The following CTBP2 variants were observed in gnomAD, a reference collection of about 807,000 sequenced individuals.
The protein encoded by CTBP2 is C-terminal binding protein 2.
Under a neutral mutation model 80.3 loss-of-function variants are expected in CTBP2, and 30 were observed. That is an observed-to-expected ratio of 0.37 (90% CI 0.28 to 0.51). The LOEUF (loss-of-function observed/expected upper bound fraction) is 0.51. Among genes scored for constraint, CTBP2 ranks in the 20% least tolerant of loss-of-function variants. The pLI is 0.93. For missense variants in CTBP2, 1,212 were observed against 1,375.3 expected (o/e 0.88, Z 1.88); for synonymous variants, 594 against 587.4 (o/e 1.01, Z -0.16).
intron 2 of CTBP2, among the ~76,000 whole-genome samples, chr10:125,095,689 G>A (rs1849437895): frequency 2.0e-5 from 3 of 152,210 alleles, no homozygotes. Flanking sequence ...GTTGGCAGAT[G>A]TTTTGTGATG....
chr10:125,162,313 G>A (rs1380505501), upstream of CTBP2: 2 of 152,292 alleles, frequency 1.3e-5, no homozygotes, highest in East Asian at 3.9e-4. Flanking sequence ...GCCCTGCAGA[G>A]CCGAGGAAAC....
At chr10:125,014,504 A>C (rs541850042) in intron 1 of CTBP2, among the ~76,000 whole-genome samples, 80 of 152,356 alleles carry the variant, frequency 5.3e-4, no homozygotes, top group South Asian at 1.9e-3. Context: ...ATCTATGTCA[A>C]CTTGGCCCTT....
In CTBP2 at chr10:125,026,568, G is replaced by GA. The variant is rs1433490936; in HGVS notation, c.1191_1192insT (p.Arg398SerfsTer68). ...GGACGGCGAGCCGGGTCTCCAGCTC[G>GA]GGGGGATGCTGTCTGCAGAGGAGCC... On this transcript the variant is annotated frameshift_variant, in exon 1 of 9. Coordinates refer to ENST00000309035, the MANE Select transcript of CTBP2 (RefSeq NM_022802.3). LOFTEE classifies it high-confidence loss of function. 7 of 1,566,216 alleles carry GA rather than the reference G, an allele frequency of 4.5e-6. No individual in the cohort carries two copies. Among genetic ancestry groups the GA allele is most frequent in the Non-Finnish European group, 6.1e-6 (7 of 1,155,838 alleles).
chr10:125,048,185 G>GCCC (rs2135144419), intron 2 of CTBP2, among the ~76,000 whole-genome samples: 1 of 152,198 alleles, frequency 6.6e-6, no homozygotes, highest in African/African-American at 2.4e-5. Context: ...TCCTGTTGCA[G>GCCC]CCCTTCCTGG....
At chr10:125,031,351 TG>T (rs1958168033), upstream of CTBP2, among the ~76,000 whole-genome samples, 1 of 151,344 alleles carries the variant, frequency 6.6e-6, no homozygotes, top group African/African-American at 2.4e-5. Flanking sequence ...TAGCCGGGCG[TG>T]GTGGCGGGTG....
chr10:125,057,378 C>T (rs899958551), intron 2 of CTBP2, among the ~76,000 whole-genome samples: 2 of 152,296 alleles, frequency 1.3e-5, no homozygotes, highest in South Asian at 2.1e-4. Context: ...AACAAAAACC[C>T]CTTTCAATTG....
chr10:125,039,699 G>A (rs554786867), intron 2 of CTBP2, among the ~76,000 whole-genome samples: 5 of 152,330 alleles, frequency 3.3e-5, no homozygotes, highest in South Asian at 2.1e-4. Context: ...ACGTGAGAAC[G>A]CGGGTGGGAA....
In CTBP2 at chr10:125,003,112, G is replaced by A; in HGVS notation, c.1834-8C>T. On this transcript the variant is annotated splice_region_variant and splice_polypyrimidine_tract_variant and intron_variant, in intron 2 of 8. Coordinates refer to ENST00000309035, the MANE Select transcript of CTBP2 (RefSeq NM_022802.3). ...CACGGCTTCGTTTAGAACCTGCGTGGGAACAGAGCACAGGGTCGGAGCCCC... is the reference window on the plus strand; with the variant it reads ...CACGGCTTCGTTTAGAACCTGCGTGAGAACAGAGCACAGGGTCGGAGCCCC... 1.2e-6 allele frequency: 2 copies of A among 1,613,846 alleles called. No individual in the cohort carries two copies. Among genetic ancestry groups the A allele is most frequent in the Non-Finnish European group, 1.7e-6 (2 of 1,180,000 alleles).
In CTBP2 at chr10:125,158,812, G is replaced by C. The variant is rs937523910; in HGVS notation, c.-206+1507C>G. On this transcript the variant is annotated intron_variant, in intron 1 of 10. Coordinates refer to the CTBP2 transcript ENST00000337195. ...GCCGCCTCCGGAAAAAGTACCGGGCGGGGGGAGGGGGGACAACCACAAACA... is the reference window on the plus strand; with the variant it reads ...GCCGCCTCCGGAAAAAGTACCGGGCCGGGGGAGGGGGGACAACCACAAACA... 5 of 151,906 alleles carry C rather than the reference G, an allele frequency of 3.3e-5. No individual in the cohort carries two copies. In the East Asian group the frequency reaches 7.8e-4, roughly 24 times the overall value. 9.4% of individuals were successfully genotyped at this position (151,906 alleles called of 1,614,324 possible). A position where few individuals can be genotyped will look rare whatever the true frequency, so the allele number is the denominator to read the frequency against.
chr10:124,990,764 T>G (rs544862911), intron 8 of CTBP2, among the ~76,000 whole-genome samples: 2 of 152,078 alleles, frequency 1.3e-5, no homozygotes, highest in Admixed American at 1.3e-4. Context: ...GGGTCATGAA[T>G]GGGATCAGTG....
At chr10:125,002,013 G>T (rs1954586849) in intron 3 of CTBP2, among the ~76,000 whole-genome samples, 1 of 152,220 alleles carries the variant, frequency 6.6e-6, no homozygotes, top group East Asian at 1.9e-4. Flanking sequence ...AAGCACCGGG[G>T]CCCACTGGGG....
At chr10:125,085,655 G>A (rs1324328584) in intron 2 of CTBP2, among the ~76,000 whole-genome samples, 1 of 152,190 alleles carries the variant, frequency 6.6e-6, no homozygotes, top group Admixed American at 6.5e-5. Flanking sequence ...TCACTCCATG[G>A]GGAAATCTAG....
intron 1 of CTBP2, among the ~76,000 whole-genome samples, chr10:125,115,790 G>A (rs1853153562): frequency 6.6e-6 from 1 of 152,142 alleles, no homozygotes; most frequent in Non-Finnish European, 1.5e-5. Flanking sequence ...CCCTTGAAAG[G>A]TGGCCTCACT....
chr10:125,155,906 T>C (rs1860835117), intron 1 of CTBP2, among the ~76,000 whole-genome samples: 1 of 152,150 alleles, frequency 6.6e-6, no homozygotes, highest in Non-Finnish European at 1.5e-5. Flanking sequence ...TCTCTAAAAG[T>C]GTATCCATTC....
At chr10:125,114,200 A>G (rs1471409733) in intron 1 of CTBP2, among the ~76,000 whole-genome samples, 1 of 152,182 alleles carries the variant, frequency 6.6e-6, no homozygotes, top group East Asian at 1.9e-4. Context: ...CAGGAGCTGA[A>G]GTGGCCTCAG....
chr10:125,062,104 C>T lies in CTBP2; in HGVS notation c.-101-22949G>A, dbSNP rs182997727. 8.5e-5 allele frequency among the ~76,000 whole-genome samples: 13 copies of T among 152,168 alleles called. No homozygotes were observed. In the East Asian group the frequency reaches 1.2e-3, roughly 14 times the overall value. On this transcript the variant is annotated intron_variant, in intron 2 of 10. Transcript: ENST00000337195. ...ATTGCTAAACCGAGAGGGCCCTTAGCGACTGCTCCCACCAGGGCTGGAGAA... is the reference window on the plus strand; with the variant it reads ...ATTGCTAAACCGAGAGGGCCCTTAGTGACTGCTCCCACCAGGGCTGGAGAA...
rs1467476716 is a variant in CTBP2 at position 125,066,903 on chromosome 10, A to T, written c.-101-27748T>A. On this transcript the variant is annotated intron_variant, in intron 2 of 10. Coordinates refer to the CTBP2 transcript ENST00000337195. This position sits in a 1 kb window ranked among gnomAD's most constrained non-coding sequence, Gnocchi z 4.1. ...GTGCCTCTTCCTATCTCCCCTGGGC[A>T]GTCTTCCCAGCTCCATGGAAAAGTC... Among the ~76,000 whole-genome samples the T allele has an allele frequency of 6.6e-6, 1 of 152,150 alleles. No individual in the cohort carries two copies. Among genetic ancestry groups the T allele is most frequent in the Non-Finnish European group, 1.5e-5 (1 of 68,004 alleles).
At chr10:125,024,897 C>A (rs979174547) in intron 1 of CTBP2, among the ~76,000 whole-genome samples, 14 of 152,164 alleles carry the variant, frequency 9.2e-5, no homozygotes, top group African/African-American at 3.1e-4. Context: ...AGAATCTATA[C>A]GACAAAGCAG....
Position 124,985,215 on chromosome 10 carries a change from T to C in CTBP2, c.*4303A>G. The C allele has an allele frequency of 2.2e-6, 1 of 458,756 alleles. No homozygotes were observed. Among genetic ancestry groups the C allele is most frequent in the Admixed American group, 3.9e-5 (1 of 25,896 alleles). 28.4% of individuals were successfully genotyped at this position (458,756 alleles called of 1,614,324 possible). ...GACTACAGTTTGTAAAAAAAACTAA[T>C]TTTATTAAGACAGAACTTTTTTTCC... On this transcript the variant is annotated 3_prime_UTR_variant, in exon 9 of 9. Coordinates refer to ENST00000309035, the MANE Select transcript of CTBP2 (RefSeq NM_022802.3).
Sources: allele counts gnomAD v4.1 joint callset (sites outside exome capture counted in the v4.1 genomes callset), GRCh38; gene constraint gnomAD v4.1.1; non-coding constraint Gnocchi (gnomAD v3.1); transcripts MANE v1.5; gene names NCBI Gene and HGNC (gene_info 2026-07-23, HGNC 2026-07-21).